Variants in PLEKHG6 observed in about 807,000 individuals in gnomAD.
The protein encoded by PLEKHG6 is pleckstrin homology domain-containing family G member 6.
A neutral mutation model predicts 97.5 loss-of-function variants in PLEKHG6; 91 were observed. The ratio of observed to expected loss-of-function variants is 0.93; its 90% CI spans 0.79 to 1.11. The LOEUF (loss-of-function observed/expected upper bound fraction) is 1.11. PLEKHG6 is among the 50% of genes most tolerant of loss of function. The pLI is 0.00. For synonymous variants in PLEKHG6, 466 were observed against 425.5 expected (o/e 1.10, Z -1.17); for missense variants, 1,044 against 1,031.0 (o/e 1.01, Z -0.17).
At chr12:6,313,842 G>T in intron 3 of PLEKHG6, 58 bp downstream of exon 3, 1 of 1,461,558 alleles carries the variant, frequency 6.8e-7, no homozygotes. Flanking sequence ...TGATGGCTCC[G>T]CAGATGACCA....
intron 13 of PLEKHG6, among the ~76,000 whole-genome samples, chr12:6,326,099 G>A (rs1947846953): frequency 6.6e-6 from 1 of 152,144 alleles, no homozygotes; most frequent in South Asian, 2.1e-4. Context: ...AAGGTCAGGA[G>A]TTTGAGACCA....
At chr12:6,314,393 G>C (rs955181179) in intron 3 of PLEKHG6, among the ~76,000 whole-genome samples, 1 of 152,124 alleles carries the variant, frequency 6.6e-6, no homozygotes, top group Non-Finnish European at 1.5e-5. Flanking sequence ...TGTAGTCCCA[G>C]CTATTAAGGA....
At chr12:6,314,537 T>C (rs1451942623) in intron 3 of PLEKHG6, among the ~76,000 whole-genome samples, 1 of 151,662 alleles carries the variant, frequency 6.6e-6, no homozygotes, top group Admixed American at 6.6e-5. Context: ...ACCTGTAAAA[T>C]GTAAGCCATG....
Position 6,328,192 on chromosome 12 carries a change from TC to T in PLEKHG6, c.*51del, listed in dbSNP as rs1338942932. ...ATGCATCTCTCCCAGAGGAGATCTCTCCCCAGTAGTGCTGGTCACCCTCCGG... is the reference window on the plus strand; with the variant it reads ...ATGCATCTCTCCCAGAGGAGATCTCTCCCAGTAGTGCTGGTCACCCTCCGG... On this transcript the variant is annotated 3_prime_UTR_variant, in exon 16 of 16. Coordinates refer to ENST00000684764, the MANE Select transcript of PLEKHG6 (RefSeq NM_001384598.1). 16 of 1,582,362 alleles carry T rather than the reference TC, an allele frequency of 1.0e-5. No individual in the cohort carries two copies. Among genetic ancestry groups the T allele is most frequent in the Non-Finnish European group, 1.4e-5 (16 of 1,151,628 alleles).
At position 6,312,588 on chromosome 12, in the gene PLEKHG6, G is replaced by C. The variant is rs1344242425; in HGVS notation, c.138+224G>C. The C allele has an allele frequency of 2.3e-6, 3 of 1,288,912 alleles. No homozygotes were observed. In the African/African-American group the frequency reaches 4.7e-5, roughly 20 times the overall value. 79.8% of individuals were successfully genotyped at this position (1,288,912 alleles called of 1,614,324 possible). Reference sequence around the variant, plus strand: ...CTGGGCAGGAGAGGCGGAGCCAGGAGAAGCCAGGCCCTCCGAGGAGTGCTG... The same window carrying C: ...CTGGGCAGGAGAGGCGGAGCCAGGACAAGCCAGGCCCTCCGAGGAGTGCTG... On this transcript the variant is annotated intron_variant, in intron 2 of 15. Coordinates refer to ENST00000684764, the MANE Select transcript of PLEKHG6 (RefSeq NM_001384598.1).
rs749015162 is a variant in PLEKHG6, at chr12:6,328,195, C to G, written c.*50C>G. On this transcript the variant is annotated 3_prime_UTR_variant, in exon 16 of 16. Coordinates refer to ENST00000684764, the MANE Select transcript of PLEKHG6 (RefSeq NM_001384598.1). ...CATCTCTCCCAGAGGAGATCTCTCCCCAGTAGTGCTGGTCACCCTCCGGCA... is the reference window on the plus strand; with the variant it reads ...CATCTCTCCCAGAGGAGATCTCTCCGCAGTAGTGCTGGTCACCCTCCGGCA... 3.0e-5 allele frequency: 48 copies of G among 1,580,562 alleles called. No individual in the cohort carries two copies. The Admixed American group carries it at 4.0e-4, about 13-fold the overall frequency.
intron 3 of PLEKHG6, 98 bp downstream of exon 3, chr12:6,313,882 C>A: frequency 8.7e-7 from 1 of 1,152,346 alleles, no homozygotes; most frequent in Non-Finnish European, 1.2e-6. Context: ...AACACAGGTC[C>A]AGGAGGCTGC....
chr12:6,326,432 C>A lies in PLEKHG6; in HGVS notation c.1529C>A (p.Ala510Asp), dbSNP rs1413860292. 8 of 1,613,422 alleles carry A rather than the reference C, an allele frequency of 5.0e-6. No homozygotes were observed. The highest frequency in any genetic ancestry group is 6.8e-6 in the Non-Finnish European group (8 of 1,179,616). Residue 510 changes from alanine to aspartate, a missense_variant, in exon 14 of 16, where the codon GCC (alanine) becomes GAC (aspartate). By Grantham distance (126) the Ala-to-Asp change is moderately radical (BLOSUM62 -2). Transcript: ENST00000684764. The part of the protein sequence containing the change: ...WLEKTQQAQA[A>D]LQKLKAEEYV... ...AACGAAAGTGTCCTGTCCCAGGCCG[C>A]CCTACAGAAGCTGAAGGCAGAGGAG...
At position 6,317,365 on chromosome 12, in the gene PLEKHG6, C is replaced by A; in HGVS notation, c.819C>A (p.Tyr273Ter). The change falls in exon 8 of 16, where the codon TAC becomes TAA. Residue 273 changes from tyrosine to a stop codon, truncating the protein, a stop_gained. Transcript: ENST00000684764. LOFTEE classifies it high-confidence loss of function. ...TCCGAGTGAAGCAGACCATGGCTTA[C>A]GCCCGAGAACAGCAAGAAACTAACC... ...YCLRVKQTMA[Y>*]AREQQETNPL... is the part of the protein sequence containing the mutation. 6.2e-7 allele frequency: 1 copy of A among 1,614,066 alleles called. No individual in the cohort carries two copies. Among genetic ancestry groups the A allele is most frequent in the East Asian group, 2.2e-5 (1 of 44,886 alleles).
In PLEKHG6 at chr12:6,328,210, A is replaced by G; in HGVS notation, c.*65A>G. On this transcript the variant is annotated 3_prime_UTR_variant, in exon 16 of 16. Transcript: ENST00000684764. ...AGATCTCTCCCCAGTAGTGCTGGTC[A>G]CCCTCCGGCATCTGTGACTCTACCT... 5.3e-6 allele frequency: 8 copies of G among 1,523,120 alleles called. No individual in the cohort carries two copies. In the South Asian group the frequency reaches 9.1e-5, roughly 17 times the overall value. The allele number at this position is 1,523,120 out of a possible 1,614,324, so 94.4% of individuals were successfully genotyped here. A position where few individuals can be genotyped will look rare whatever the true frequency, so the allele number is the denominator to read the frequency against.
Position 6,319,750 on chromosome 12 carries a change from C to T in PLEKHG6, c.1524+642C>T, listed in dbSNP as rs185613618. The stretch of plus-strand genomic sequence containing the variant: ...ACATTTACAGGGCACTTGCTGAGTA[C>T]GGCAGGCACTAGAGCTAGGTGCTAG... On this transcript the variant is annotated intron_variant, in intron 13 of 15. Coordinates refer to ENST00000684764, the MANE Select transcript of PLEKHG6 (RefSeq NM_001384598.1). 1,632 of 1,366,800 alleles carry T rather than the reference C, an allele frequency of 1.2e-3. 2 individuals carry two copies. Among genetic ancestry groups the T allele is most frequent in the Non-Finnish European group, 1.5e-3 (1,474 of 1,015,524 alleles). The allele number at this position is 1,366,800 out of a possible 1,614,324, so 84.7% of individuals were successfully genotyped here.
rs1437878147 is a variant in PLEKHG6 at position 6,327,913 on chromosome 12, ACAT to A, written c.2334_2336del (p.Ile779del). ...CAGCTGCAGAGGATGCGGGGGCCCC[ACAT>A]CATTCAGCTGGACACCCCTCTGTCC... On this transcript the variant is annotated inframe_deletion, in exon 15 of 16. Transcript: ENST00000684764. 1 of 1,482,932 alleles carries A rather than the reference ACAT, an allele frequency of 6.7e-7. No homozygotes were observed. The highest frequency in any genetic ancestry group is 9.0e-7 in the Non-Finnish European group (1 of 1,117,066). 91.9% of individuals were successfully genotyped at this position (1,482,932 alleles called of 1,614,324 possible). A position where few individuals can be genotyped will look rare whatever the true frequency, so the allele number is the denominator to read the frequency against.
intron 13 of PLEKHG6, 111 bp from the exon 14 acceptor site, chr12:6,326,315 AAT>A: frequency 1.6e-6 from 1 of 610,752 alleles, no homozygotes; most frequent in Admixed American, 3.6e-5. Flanking sequence ...AAAAAATAAT[AAT>A]AATAATAAAA....
chr12:6,327,479 T>TGGCCCCCC lies in PLEKHG6; in HGVS notation c.1896_1897insGGCCCCCC (p.Pro633GlyfsTer25). ...TGGAACTCCGGGACATCCCTCTGCG[T>TGGCCCCCC]CCCCACCCTCCCGACCCCCAAGCTC... is the stretch of plus-strand genomic sequence containing the variant. On this transcript the variant is annotated frameshift_variant, in exon 15 of 16. Coordinates refer to ENST00000684764, the MANE Select transcript of PLEKHG6 (RefSeq NM_001384598.1). LOFTEE classifies it high-confidence loss of function. 7.5e-6 allele frequency: 12 copies of TGGCCCCCC among 1,603,218 alleles called. No individual in the cohort carries two copies. Among genetic ancestry groups the TGGCCCCCC allele is most frequent in the South Asian group, 1.1e-5 (1 of 90,736 alleles).
intron 1 of PLEKHG6, 108 bp downstream of exon 1, chr12:6,310,956 G>A (rs1947238723): frequency 6.6e-6 from 1 of 152,354 alleles, no homozygotes; most frequent in African/African-American, 2.4e-5. Context: ...GGCGGGAGGA[G>A]GGGAGCCGGG....
chr12:6,325,012 C>G (rs1054969124), intron 13 of PLEKHG6, among the ~76,000 whole-genome samples: 10 of 152,146 alleles, frequency 6.6e-5, no homozygotes, highest in African/African-American at 2.2e-4. Context: ...CAGGCAGCAG[C>G]CATTCCCTTA....
In PLEKHG6 at chr12:6,318,869, G is replaced by C. The variant is rs773846283; in HGVS notation, c.1400G>C (p.Arg467Pro). ...MLEKLVCQPLRDPNSFLLIHL... is the reference protein window; with the variant it reads ...MLEKLVCQPLPDPNSFLLIHL... ...GAGAAGCTCGTGTGCCAACCCCTGC[G>C]AGACCCCAGTACGTCCTTCCTTCAG... The change falls in exon 12 of 16, where the codon CGA (arginine) becomes CCA (proline). Residue 467 changes from arginine (R) to proline (P), a missense_variant. By Grantham distance (103) the Arg-to-Pro change is moderately radical. Transcript: ENST00000684764. 1 of 1,614,208 alleles carries C rather than the reference G, an allele frequency of 6.2e-7. No individual in the cohort carries two copies. The highest frequency in any genetic ancestry group is 2.2e-5 in the East Asian group (1 of 44,882).
In PLEKHG6 at chr12:6,317,244, C is replaced by T. The variant is rs541107762; in HGVS notation, c.757-59C>T. The stretch of plus-strand genomic sequence containing the variant: ...CTGCTCCTGGGTCCTGCAGCTAGAG[C>T]CTGTATTCATGGCCTTCTCCCCATG... On this transcript the variant is annotated intron_variant, in intron 7 of 15. Coordinates refer to ENST00000684764, the MANE Select transcript of PLEKHG6 (RefSeq NM_001384598.1). 86 of 1,090,046 alleles carry T rather than the reference C, an allele frequency of 7.9e-5. No individual in the cohort carries two copies. In the African/African-American group the frequency reaches 1.0e-3, roughly 13 times the overall value. 67.5% of individuals were successfully genotyped at this position (1,090,046 alleles called of 1,614,324 possible). A position where few individuals can be genotyped will look rare whatever the true frequency, so the allele number is the denominator to read the frequency against.
chr12:6,310,699 C>T lies in PLEKHG6; in HGVS notation c.-218C>T, dbSNP rs1947226614. The T allele has an allele frequency of 6.6e-6, 1 of 152,116 alleles. No individual in the cohort carries two copies. Among genetic ancestry groups the T allele is most frequent in the African/African-American group, 2.4e-5 (1 of 41,436 alleles). 9.4% of individuals were successfully genotyped at this position (152,116 alleles called of 1,614,324 possible). A position where few individuals can be genotyped will look rare whatever the true frequency, so the allele number is the denominator to read the frequency against. ...TCCCCGCCCTCCTCGCCCGGACCCG[C>T]GCTGCCCGGCTCCCGCGGGCCGCTC... On this transcript the variant is annotated 5_prime_UTR_variant, in exon 1 of 16. Coordinates refer to ENST00000684764, the MANE Select transcript of PLEKHG6 (RefSeq NM_001384598.1).
Sources: gnomAD v4.1 joint callset for allele counts (sites outside exome capture counted in the v4.1 genomes callset) on GRCh38, gnomAD v4.1.1 for gene constraint, MANE v1.5 for transcripts, NCBI Gene and HGNC (gene_info 2026-07-23, HGNC 2026-07-21) for gene names.